HTR2A: variants seen among roughly 807,000 people sequenced by gnomAD.
The protein encoded by HTR2A is 5-HT2 receptor.
HTR2A carries 14 observed loss-of-function variants against 31.0 expected under a neutral mutation model. The observed-to-expected ratio is 0.45, with a 90% CI of 0.30 to 0.71. The LOEUF (loss-of-function observed/expected upper bound fraction) is 0.71, where lower values mean the gene tolerates loss of function less well. Among genes scored for constraint, HTR2A ranks in the 30% least tolerant of loss-of-function variants. The pLI is 0.09. For synonymous variants in HTR2A, 209 were observed against 225.2 expected, an observed-to-expected ratio of 0.93 and a Z score of 0.64; for missense variants, 442 against 573.3, an observed-to-expected ratio of 0.77 and a Z score of 2.34.
intron 3 of HTR2A, among the ~76,000 whole-genome samples, chr13:46,889,006 G>T (rs1289492969): frequency 6.6e-6 from 1 of 152,112 alleles, no homozygotes; most frequent in Non-Finnish European, 1.5e-5. Flanking sequence ...TAAGATAACA[G>T]ATTTAAACCC....
At chr13:46,890,255 A>C (rs1193230492) in intron 3 of HTR2A, among the ~76,000 whole-genome samples, 2 of 152,254 alleles carry the variant, frequency 1.3e-5, no homozygotes, top group African/African-American at 4.8e-5. Context: ...AGGCAGGAGA[A>C]TAGCTTGAAT....
rs1014491709 is a variant in HTR2A at position 46,833,870 on chromosome 13, A to C, written c.*967T>G. The stretch of plus-strand genomic sequence containing the variant: ...TAGGAAAGTCACCTGCTTTTTACAG[A>C]GATGTCCTAGGACTCTACCACTGTC... On this transcript the variant is annotated 3_prime_UTR_variant, in exon 4 of 4. Transcript: ENST00000542664. 2 of 152,184 alleles carry C rather than the reference A, an allele frequency of 1.3e-5. No individual in the cohort carries two copies. Among genetic ancestry groups the C allele is most frequent in the Admixed American group, 6.5e-5 (1 of 15,278 alleles). The allele number at this position is 152,184 out of a possible 1,614,324, so 9.4% of individuals were successfully genotyped here.
intron 2 of HTR2A, among the ~76,000 whole-genome samples, chr13:46,893,398 C>CGG (rs1418743242): frequency 2.0e-5 from 3 of 152,116 alleles, no homozygotes. Context: ...AGCAAGCTCC[C>CGG]GGGTGATGCT....
Position 46,895,915 on chromosome 13 carries a change from C to T in HTR2A, c.-9G>A, listed in dbSNP as rs769990169. The T allele has an allele frequency of 3.4e-5, 54 of 1,599,702 alleles. No individual in the cohort carries two copies. The East Asian group carries it at 1.1e-3, about 33-fold the overall frequency. On this transcript the variant is annotated 5_prime_UTR_variant, in exon 2 of 4. It introduces an in-frame stop codon into an upstream open reading frame of the 5' UTR. Transcript: ENST00000542664. This position sits in a 1 kb window ranked among gnomAD's most constrained non-coding sequence, Gnocchi z 4.4. The stretch of plus-strand genomic sequence containing the variant: ...TCACAAAGAATATCCATGTCTAAGC[C>T]AGAACTTGTAGCAGATGAGGTGTAG...
chr13:46,894,606 G>A (rs1951086340), intron 2 of HTR2A, among the ~76,000 whole-genome samples: 2 of 152,154 alleles, frequency 1.3e-5, no homozygotes, highest in Admixed American at 1.3e-4. Flanking sequence ...TCCCTTTAAA[G>A]ATAGCTATCA....
At chr13:46,859,106 C>T (rs1437718088) in intron 3 of HTR2A, among the ~76,000 whole-genome samples, 3 of 152,142 alleles carry the variant, frequency 2.0e-5, no homozygotes, top group Non-Finnish European at 2.9e-5. Flanking sequence ...AACAGATACT[C>T]AACATGTTAA....
intron 3 of HTR2A, among the ~76,000 whole-genome samples, chr13:46,874,901 C>T (rs1300804237): frequency 6.6e-6 from 1 of 152,230 alleles, no homozygotes; most frequent in East Asian, 1.9e-4. Context: ...CTTAAAACCA[C>T]AGTGCTTGAA....
At chr13:46,868,590 C>A (rs9534504) in intron 3 of HTR2A, among the ~76,000 whole-genome samples, 54,373 of 151,878 alleles carry the variant, frequency 0.36, 10,590 homozygotes, top group East Asian at 0.64. Context: ...AAATATAGTT[C>A]TTTGAAAGAA....
intron 3 of HTR2A, among the ~76,000 whole-genome samples, chr13:46,855,933 G>A (rs1209703391): frequency 6.6e-6 from 1 of 152,100 alleles, no homozygotes; most frequent in Non-Finnish European, 1.5e-5. Context: ...TTCTCCTCTG[G>A]CTACTATTGT....
chr13:46,882,788 C>T (rs1271299403), intron 3 of HTR2A, among the ~76,000 whole-genome samples: 1 of 152,222 alleles, frequency 6.6e-6, no homozygotes, highest in African/African-American at 2.4e-5. Context: ...ATTACATTTA[C>T]TCAATCTTTA....
At chr13:46,840,949 C>T (rs887943579) in intron 3 of HTR2A, among the ~76,000 whole-genome samples, 5 of 152,092 alleles carry the variant, frequency 3.3e-5, no homozygotes, top group African/African-American at 1.2e-4. Flanking sequence ...CCCCACATGT[C>T]GGGACAGGGA....
At chr13:46,852,214 C>T (rs1472700431) in intron 3 of HTR2A, 2 of 152,274 alleles carry the variant, frequency 1.3e-5, no homozygotes, top group African/African-American at 4.8e-5. Context: ...TTGGACTTTT[C>T]ACTTCCAAAA....
chr13:46,860,756 T>C (rs1373637832), intron 3 of HTR2A, among the ~76,000 whole-genome samples: 1 of 152,226 alleles, frequency 6.6e-6, no homozygotes, highest in East Asian at 1.9e-4. Context: ...TGGCTGACCT[T>C]GACAGATTCC....
At chr13:46,885,524 TATCTA>T (rs1950999357) in intron 3 of HTR2A, among the ~76,000 whole-genome samples, 3 of 152,228 alleles carry the variant, frequency 2.0e-5, no homozygotes, top group African/African-American at 7.2e-5. Context: ...AAAAGTGACA[TATCTA>T]AACATAATCC....
intron 3 of HTR2A, among the ~76,000 whole-genome samples, chr13:46,867,793 T>A (rs897167672): frequency 1.3e-5 from 2 of 152,206 alleles, no homozygotes; most frequent in African/African-American, 4.8e-5. Flanking sequence ...CTCTGGCTAT[T>A]GTAGTGAATC....
intron 3 of HTR2A, among the ~76,000 whole-genome samples, chr13:46,890,469 A>G (rs2138253047): frequency 6.6e-6 from 1 of 152,308 alleles, no homozygotes. Flanking sequence ...TGTGCAGTGG[A>G]AAGAGCATGG....
At chr13:46,885,928 T>C (rs570748788) in intron 3 of HTR2A, among the ~76,000 whole-genome samples, 1 of 152,376 alleles carries the variant, frequency 6.6e-6, no homozygotes, top group African/African-American at 2.4e-5. Context: ...TGTTAGATTG[T>C]TTCCTTTTCC....
At position 46,895,008 on chromosome 13, in the gene HTR2A, A is replaced by G. The variant is rs562317249; in HGVS notation, c.412+487T>C. Among the ~76,000 whole-genome samples the G allele has an allele frequency of 1.5e-4, 23 of 152,350 alleles. No homozygotes were observed. The South Asian group carries it at 4.6e-3, about 30-fold the overall frequency. On this transcript the variant is annotated intron_variant, in intron 2 of 3. Coordinates refer to ENST00000542664, the MANE Select transcript of HTR2A (RefSeq NM_000621.5). This position sits in a 1 kb window ranked among gnomAD's most constrained non-coding sequence, Gnocchi z 4.4. ...ATTGCACCACTAATGTTCTCTCTGC[A>G]AATGTTCCAAAGTAATTGGGAAGGC... is the stretch of plus-strand genomic sequence containing the variant.
Position 46,896,918 on chromosome 13 carries a change from G to C in HTR2A, c.-573C>G. 3.5e-6 allele frequency: 4 copies of C among 1,152,278 alleles called. No homozygotes were observed. The highest frequency in any genetic ancestry group is 1.4e-5 in the South Asian group (1 of 71,064). 71.4% of individuals were successfully genotyped at this position (1,152,278 alleles called of 1,614,324 possible). A position where few individuals can be genotyped will look rare whatever the true frequency, so the allele number is the denominator to read the frequency against. ...CGGCTGGGTTCCTCCCTCCCTGTGC[G>C]GCTCGCCTCAGCAGGCACACATTTA... is the stretch of plus-strand genomic sequence containing the variant. On this transcript the variant is annotated 5_prime_UTR_variant, in exon 1 of 4. Transcript: ENST00000542664.
Sources: allele counts gnomAD v4.1 joint callset (sites outside exome capture counted in the v4.1 genomes callset), GRCh38; gene constraint gnomAD v4.1.1; non-coding constraint Gnocchi (gnomAD v3.1); transcripts MANE v1.5; gene names NCBI Gene and HGNC (gene_info 2026-07-23, HGNC 2026-07-21).